CSMD1: variants seen among roughly 807,000 people sequenced by gnomAD.
CSMD1 encodes the protein CUB and Sushi multiple domains 1, also known as CUB and sushi domain-containing protein 1.
In CSMD1, 213 loss-of-function variants were observed where a neutral mutation model predicts 417.5. That is an observed-to-expected ratio of 0.51 (90% CI 0.46 to 0.57). The LOEUF (loss-of-function observed/expected upper bound fraction) is 0.57. Ranked by LOEUF, CSMD1 falls within the 20% of genes least tolerant of loss-of-function variation. The probability of loss-of-function intolerance (pLI) is 0.00; values close to 1 mark genes in which losing one functional copy is unlikely to be tolerated. For synonymous variants in CSMD1, 2,862 were observed against 1,736.8 expected, an observed-to-expected ratio of 1.65 and a Z score of -16.11; for missense variants, 6,923 against 4,529.7, an observed-to-expected ratio of 1.53 and a Z score of -15.17.
intron 8 of CSMD1, among the ~76,000 whole-genome samples, chr8:3,610,667 T>C (rs1801847372): frequency 6.6e-6 from 1 of 152,218 alleles, no homozygotes; most frequent in Non-Finnish European, 1.5e-5. Context: ...TCTTGTAACA[T>C]AGCAAATATC....
At chr8:4,786,286 T>C (rs1797397595) in intron 1 of CSMD1, among the ~76,000 whole-genome samples, 1 of 152,244 alleles carries the variant, frequency 6.6e-6, no homozygotes, top group East Asian at 1.9e-4. Flanking sequence ...TTCTTTGTTC[T>C]AGAAGTAAAC....
intron 5 of CSMD1, among the ~76,000 whole-genome samples, chr8:3,796,591 A>T (rs964026683): frequency 1.4e-5 from 2 of 146,890 alleles, no homozygotes; most frequent in Non-Finnish European, 3.0e-5. Context: ...TAATATATAG[A>T]TATATATCTA....
rs533354143 is a variant in CSMD1 at position 4,991,509 on chromosome 8, C to T, written c.85+2823G>A. 1.5e-4 allele frequency among the ~76,000 whole-genome samples: 23 copies of T among 152,332 alleles called. No individual in the cohort carries two copies. The East Asian group carries it at 4.4e-3, about 29-fold the overall frequency. On this transcript the variant is annotated intron_variant, in intron 1 of 69. Coordinates refer to ENST00000635120, the MANE Select transcript of CSMD1 (RefSeq NM_033225.6). The stretch of plus-strand genomic sequence containing the variant: ...CGAATTATGCCCCACGCATCAAAAA[C>T]TCTGCGCCTGCCTTCGCCACAGCGG...
chr8:2,971,188 C>G (rs1024745352), intron 57 of CSMD1, among the ~76,000 whole-genome samples: 2 of 152,160 alleles, frequency 1.3e-5, no homozygotes. Context: ...TAATTCACTT[C>G]AAGCTCTTGG....
At chr8:3,451,813 C>G (rs1347298041) in intron 12 of CSMD1, among the ~76,000 whole-genome samples, 2 of 152,000 alleles carry the variant, frequency 1.3e-5, no homozygotes, top group East Asian at 3.9e-4. Context: ...TTTTTTGGTT[C>G]CATATGAACT....
intron 3 of CSMD1, among the ~76,000 whole-genome samples, chr8:4,373,177 G>C (rs775740568): frequency 6.6e-6 from 1 of 152,118 alleles, no homozygotes; most frequent in Non-Finnish European, 1.5e-5. Context: ...CCCTTGACCG[G>C]TGCTGCTCCA....
At chr8:3,996,346 T>A (rs1815214218) in intron 5 of CSMD1, among the ~76,000 whole-genome samples, 1 of 152,202 alleles carries the variant, frequency 6.6e-6, no homozygotes, top group Non-Finnish European at 1.5e-5. Flanking sequence ...AAAACCACAA[T>A]AATTTTAAAA....
chr8:4,977,657 G>T (rs571399203), intron 1 of CSMD1, among the ~76,000 whole-genome samples: 2 of 152,308 alleles, frequency 1.3e-5, no homozygotes, highest in African/African-American at 4.8e-5. Flanking sequence ...AGACCCAGAT[G>T]CCTCACTAGT....
chr8:4,678,138 T>C (rs1168665082), intron 1 of CSMD1, among the ~76,000 whole-genome samples: 1 of 152,152 alleles, frequency 6.6e-6, no homozygotes, highest in Admixed American at 6.5e-5. Flanking sequence ...TTTTCTTTTT[T>C]TTTTGGCCAC....
At chr8:3,237,600 AT>A in intron 26 of CSMD1, among the ~76,000 whole-genome samples, 1 of 145,072 alleles carries the variant, frequency 6.9e-6, no homozygotes, top group South Asian at 2.1e-4. Flanking sequence ...TATAAATATA[AT>A]TTTATACTTA....
rs983693798 is a variant in CSMD1, at chr8:4,867,141, T to C, written c.85+127191A>G. Among the ~76,000 whole-genome samples the C allele has an allele frequency of 1.7e-4, 26 of 152,050 alleles. 1 individual carries two copies. The highest frequency in any genetic ancestry group is 6.3e-4 in the African/African-American group (26 of 41,350). Reference sequence around the variant, plus strand: ...ACTTCATGAACTACACACATATTATTTATATTTACAATTTATTTAACCACT... The same window carrying C: ...ACTTCATGAACTACACACATATTATCTATATTTACAATTTATTTAACCACT... On this transcript the variant is annotated intron_variant, in intron 1 of 69. Transcript: ENST00000635120.
Position 3,117,894 on chromosome 8 carries a change from G to C in CSMD1, c.6430+505C>G, listed in dbSNP as rs145732770. Among the ~76,000 whole-genome samples the C allele has an allele frequency of 2.4e-3, 366 of 152,204 alleles. 9 individuals are homozygous for C. In the South Asian group the frequency reaches 0.028, roughly 12 times the overall value. On this transcript the variant is annotated intron_variant, in intron 42 of 69. Coordinates refer to ENST00000635120, the MANE Select transcript of CSMD1 (RefSeq NM_033225.6). ...CTTCTACCTGGAGTGTTCCACCTCCGAGTAGCAAAATGCTATGTACCTTTC... is the reference window on the plus strand; with the variant it reads ...CTTCTACCTGGAGTGTTCCACCTCCCAGTAGCAAAATGCTATGTACCTTTC...
chr8:3,954,839 G>C (rs1296321595), intron 5 of CSMD1, among the ~76,000 whole-genome samples: 1 of 152,218 alleles, frequency 6.6e-6, no homozygotes, highest in Admixed American at 6.5e-5. Flanking sequence ...GTGTGGCAGG[G>C]AGTTACATGC....
At chr8:4,208,635 G>A (rs796241073) in intron 3 of CSMD1, among the ~76,000 whole-genome samples, 13 of 152,180 alleles carry the variant, frequency 8.5e-5, no homozygotes, top group Admixed American at 2.6e-4. Context: ...AACTAAGGCC[G>A]TGATATGCAG....
chr8:4,653,374 G>T (rs1804029443), intron 1 of CSMD1, among the ~76,000 whole-genome samples: 1 of 152,008 alleles, frequency 6.6e-6, no homozygotes, highest in Non-Finnish European at 1.5e-5. Flanking sequence ...TGCTGCAGTA[G>T]AAACATTTTT....
chr8:4,574,506 C>G (rs149267972), intron 2 of CSMD1, among the ~76,000 whole-genome samples: 14 of 152,156 alleles, frequency 9.2e-5, no homozygotes, highest in Admixed American at 8.5e-4. Flanking sequence ...GAGGGAAATG[C>G]AGAAATCACC....
intron 3 of CSMD1, among the ~76,000 whole-genome samples, chr8:4,149,896 G>C (rs971527993): frequency 6.6e-6 from 1 of 152,202 alleles, no homozygotes; most frequent in East Asian, 1.9e-4. Context: ...CCACTCTAAT[G>C]TTCAGTAATC....
At chr8:4,666,649 T>A (rs988221267) in intron 1 of CSMD1, among the ~76,000 whole-genome samples, 7 of 152,210 alleles carry the variant, frequency 4.6e-5, no homozygotes, top group African/African-American at 7.2e-5. Context: ...AGGAAAATAG[T>A]AAATAATCCA....
intron 3 of CSMD1, among the ~76,000 whole-genome samples, chr8:4,181,737 AAT>A (rs2131178437): frequency 6.6e-6 from 1 of 152,266 alleles, no homozygotes; most frequent in African/African-American, 2.4e-5. Flanking sequence ...CATAAAACAA[AAT>A]AAACAACAAT....
Sources: gnomAD v4.1 joint callset for allele counts (sites outside exome capture counted in the v4.1 genomes callset) on GRCh38, gnomAD v4.1.1 for gene constraint, MANE v1.5 for transcripts, NCBI Gene and HGNC (gene_info 2026-07-23, HGNC 2026-07-21) for gene names.